SLC39A13: variants seen among roughly 807,000 people sequenced by gnomAD.
The protein encoded by SLC39A13 is zinc transporter ZIP13.
A neutral mutation model predicts 38.7 loss-of-function variants in SLC39A13; 18 were observed. The ratio of observed to expected loss-of-function variants is 0.47; its 90% CI spans 0.32 to 0.69. The LOEUF (loss-of-function observed/expected upper bound fraction) is 0.69, where lower values mean the gene tolerates loss of function less well. Among genes scored for constraint, SLC39A13 ranks in the 30% least tolerant of loss-of-function variants. The pLI, the probability that SLC39A13 is intolerant of heterozygous loss-of-function variation, is 0.03. For synonymous variants in SLC39A13, 212 were observed against 219.1 expected, an observed-to-expected ratio of 0.97 and a Z score of 0.29; for missense variants, 395 against 490.7, an observed-to-expected ratio of 0.80 and a Z score of 1.84.
At position 47,415,273 on chromosome 11, in the gene SLC39A13, G is replaced by T; in HGVS notation, c.1041-15G>T. 1 of 1,613,820 alleles carries T rather than the reference G, an allele frequency of 6.2e-7. No individual in the cohort carries two copies. The highest frequency in any genetic ancestry group is 8.5e-7 in the Non-Finnish European group (1 of 1,180,006). ...CCTGCCCATGCCTCCACCGTGAGCC[G>T]TTCCCTCCCCACAGGCGCTCCCTGC... On this transcript the variant is annotated splice_polypyrimidine_tract_variant and intron_variant, in intron 9 of 9. Transcript: ENST00000362021.
rs200741332 is a variant in SLC39A13 at position 47,415,411 on chromosome 11, G to A, written c.*48G>A. The A allele has an allele frequency of 2.7e-5, 43 of 1,599,728 alleles. No individual in the cohort carries two copies. The highest frequency in any genetic ancestry group is 8.3e-5 in the Admixed American group (5 of 59,990). ...TGCCCCCTGCAGCAATAAGATGCTC[G>A]GATTCACTCTGTGACCGCATATGTG... On this transcript the variant is annotated 3_prime_UTR_variant, in exon 10 of 10. Transcript: ENST00000362021.
At chr11:47,414,716 T>C in intron 7 of SLC39A13, 61 bp from the exon 8 acceptor site, 1 of 1,598,726 alleles carries the variant, frequency 6.3e-7, no homozygotes, top group Non-Finnish European at 8.5e-7. Context: ...ATATCGTACC[T>C]GAGCACTCAG....
rs528146915 is a variant in SLC39A13, at chr11:47,411,683, C to T, written c.302-243C>T. Among the ~76,000 whole-genome samples the T allele has an allele frequency of 6.6e-5, 10 of 152,376 alleles. No homozygotes were observed. The South Asian group carries it at 2.1e-3, about 32-fold the overall frequency. On this transcript the variant is annotated intron_variant, in intron 2 of 9. Coordinates refer to ENST00000362021, the MANE Select transcript of SLC39A13 (RefSeq NM_001128225.3). ...GAAACCGAGTCTCCAAAGTCATCTG[C>T]CAAGGTCACCAGCTAGTGGGTTGGG...
chr11:47,412,152 C>A, intron 3 of SLC39A13, 113 bp downstream of exon 3: 2 of 1,318,658 alleles, frequency 1.5e-6, no homozygotes, highest in Non-Finnish European at 2.1e-6. Flanking sequence ...CTGGCAGGAG[C>A]TTGCCTGGGA....
At position 47,410,284 on chromosome 11, in the gene SLC39A13, C is replaced by T. The variant is rs143199010; in HGVS notation, c.190C>T (p.Arg64Trp). 6.8e-6 allele frequency: 11 copies of T among 1,613,984 alleles called. No individual in the cohort carries two copies. Among genetic ancestry groups the T allele is most frequent in the African/African-American group, 2.7e-5 (2 of 74,900 alleles). Residue 64 changes from arginine (R) to tryptophan (W), a missense_variant, in exon 2 of 10, where the codon CGG (arginine) becomes TGG (tryptophan). Coordinates refer to ENST00000362021, the MANE Select transcript of SLC39A13 (RefSeq NM_001128225.3). ...CTGGGGGGCTCTGCTGAGCGGAGAG[C>T]GGCTGGACACCTGGATCTGCTCCCT... ...ESWGALLSGE[R>W]LDTWICSLLG... is the part of the protein sequence containing the mutation.
intron 1 of SLC39A13, chr11:47,408,904 C>T (rs1464244700): frequency 3.9e-5 from 6 of 152,868 alleles, no homozygotes; most frequent in Admixed American, 2.0e-4. Flanking sequence ...TTTCCTCTCC[C>T]CTTGGACTCT....
chr11:47,412,005 C>G lies in SLC39A13; in HGVS notation c.381C>G (p.Pro127=), dbSNP rs780281875. The G allele has an allele frequency of 3.1e-6, 5 of 1,613,198 alleles. No homozygotes were observed. Among genetic ancestry groups the G allele is most frequent in the South Asian group, 1.1e-5 (1 of 90,884 alleles). The part of the protein sequence containing the change: ...LLGNVFLHLL[P]EAWAYTCSAS... ...GCAATGTGTTTCTGCATCTGCTGCC[C>G]GAAGCCTGGGCCTACACGTGCAGCG... Residue 127 remains proline (P), a synonymous_variant, in exon 3 of 10, where the codon CCC becomes CCG. Transcript: ENST00000362021.
chr11:47,415,008 G>T (rs1252095558), intron 8 of SLC39A13, 31 bp from the exon 9 acceptor site: 1 of 1,611,912 alleles, frequency 6.2e-7, no homozygotes, highest in Non-Finnish European at 8.5e-7. Flanking sequence ...CCCGGGAGGT[G>T]GGGAGCACAC....
chr11:47,408,297 G>C (rs995965301), upstream of SLC39A13, among the ~76,000 whole-genome samples: 5 of 152,080 alleles, frequency 3.3e-5, no homozygotes, highest in East Asian at 9.7e-4. Flanking sequence ...CTGGTCGATC[G>C]CGGTCCCCGC....
At chr11:47,407,412 A>C (rs1489598731), upstream of SLC39A13, 1 of 152,314 alleles carries the variant, frequency 6.6e-6, no homozygotes, top group Non-Finnish European at 1.5e-5. Context: ...CTGAGAGCTG[A>C]GTGTGCTCTC....
chr11:47,410,714 G>GT (rs1250059478), intron 2 of SLC39A13, among the ~76,000 whole-genome samples: 11 of 152,134 alleles, frequency 7.2e-5, no homozygotes, highest in Non-Finnish European at 1.3e-4. Flanking sequence ...ATAACATGTT[G>GT]TAACAAAACA....
Position 47,411,923 on chromosome 11 carries a change from T to C in SLC39A13, c.302-3T>C, listed in dbSNP as rs371414744. On this transcript the variant is annotated splice_polypyrimidine_tract_variant and splice_region_variant and intron_variant, in intron 2 of 9. Coordinates refer to ENST00000362021, the MANE Select transcript of SLC39A13 (RefSeq NM_001128225.3). ...CCCCAGACCCCGCATCTCTCCCTTG[T>C]AGCTGGGGCCTGGCGCCTGAAGCAG... 29 of 1,612,424 alleles carry C rather than the reference T, an allele frequency of 1.8e-5. No homozygotes were observed. The African/African-American group carries it at 3.6e-4, about 20-fold the overall frequency.
intron 1 of SLC39A13, chr11:47,409,802 G>A (rs1015855512): frequency 7.6e-6 from 3 of 397,164 alleles, no homozygotes; most frequent in Non-Finnish European, 1.4e-5. Flanking sequence ...AGGAGAGCCA[G>A]CCAGCGCCTC....
Position 47,410,323 on chromosome 11 carries a change from A to G in SLC39A13, c.229A>G (p.Met77Val), listed in dbSNP as rs372198198. Reference sequence around the variant, plus strand: ...GATCTGCTCCCTCCTGGGTTCCCTCATGGTGGGGCTCAGTGGGGTCTTCCC... The same window carrying G: ...GATCTGCTCCCTCCTGGGTTCCCTCGTGGTGGGGCTCAGTGGGGTCTTCCC... ...TWICSLLGSLMVGLSGVFPLL... is the reference protein window; with the variant it reads ...TWICSLLGSLVVGLSGVFPLL... The change falls in exon 2 of 10, where the codon ATG becomes GTG. Residue 77 changes from methionine (M) to valine (V), a missense_variant. Physicochemically the swap from Met to Val is conservative, Grantham distance 21 (BLOSUM62 1). Coordinates refer to ENST00000362021, the MANE Select transcript of SLC39A13 (RefSeq NM_001128225.3). The G allele has an allele frequency of 2.5e-6, 4 of 1,613,904 alleles. No homozygotes were observed. The African/African-American group carries it at 4.0e-5, about 16-fold the overall frequency.
Position 47,410,134 on chromosome 11 carries a change from C to T in SLC39A13, c.40C>T (p.Pro14Ser). 2 of 1,613,150 alleles carry T rather than the reference C, an allele frequency of 1.2e-6. No individual in the cohort carries two copies. The highest frequency in any genetic ancestry group is 1.7e-6 in the Non-Finnish European group (2 of 1,179,988). ...CPCPGCGMAG[P>S]RLLFLTALAL... ...CTGCCCTGGCTGTGGCATGGCGGGC[C>T]CAAGGCTCCTCTTCCTCACTGCCCT... Residue 14 changes from proline to serine, a missense_variant, in exon 2 of 10, where the codon CCA becomes TCA. By Grantham distance (74) the Pro-to-Ser change is moderately conservative (BLOSUM62 -1). Transcript: ENST00000362021.
At position 47,412,041 on chromosome 11, in the gene SLC39A13, T is replaced by G; in HGVS notation, c.415+2T>G. ...CCTACACGTGCAGCGCCAGCCCTGGTAAGTGAGGCCACACGCCAGGGGCAA... is the reference window on the plus strand; with the variant it reads ...CCTACACGTGCAGCGCCAGCCCTGGGAAGTGAGGCCACACGCCAGGGGCAA... On this transcript the variant is annotated splice_donor_variant, in intron 3 of 9. Transcript: ENST00000362021. LOFTEE classifies it high-confidence loss of function. The G allele has an allele frequency of 6.2e-7, 1 of 1,606,416 alleles. No individual in the cohort carries two copies. The highest frequency in any genetic ancestry group is 8.5e-7 in the Non-Finnish European group (1 of 1,176,748).
At position 47,415,862 on chromosome 11, in the gene SLC39A13, C is replaced by T. The variant is rs2096025298; in HGVS notation, c.*499C>T. ...GTCCCTTTTCCTGGCCCTTCCTTCC[C>T]CACTTCTAAGCCAAAGAAAGGAGAG... On this transcript the variant is annotated 3_prime_UTR_variant, in exon 10 of 10. Coordinates refer to ENST00000362021, the MANE Select transcript of SLC39A13 (RefSeq NM_001128225.3). 1 of 238,320 alleles carries T rather than the reference C, an allele frequency of 4.2e-6. No individual in the cohort carries two copies. Among genetic ancestry groups the T allele is most frequent in the African/African-American group, 2.3e-5 (1 of 44,306 alleles). 14.8% of individuals were successfully genotyped at this position (238,320 alleles called of 1,614,324 possible).
At chr11:47,414,521 G>T in intron 7 of SLC39A13, 46 bp downstream of exon 7, 1 of 1,598,622 alleles carries the variant, frequency 6.3e-7, no homozygotes, top group Non-Finnish European at 8.5e-7. Context: ...CCCCCACAGT[G>T]CCCATGATCA....
chr11:47,414,012 C>A, intron 6 of SLC39A13: 1 of 652,160 alleles, frequency 1.5e-6, no homozygotes, highest in South Asian at 1.7e-5. Flanking sequence ...TGCAGCTGGC[C>A]GAGATCTTTC....
Sources: allele counts gnomAD v4.1 joint callset (sites outside exome capture counted in the v4.1 genomes callset), GRCh38; gene constraint gnomAD v4.1.1; transcripts MANE v1.5; gene names NCBI Gene and HGNC (gene_info 2026-07-23, HGNC 2026-07-21).